SDR42E2: variants seen among roughly 807,000 people sequenced by gnomAD.
SDR42E2 encodes the protein short chain dehydrogenase/reductase family 42E, member 2, also known as putative short-chain dehydrogenase/reductase family 42E member 2.
In SDR42E2, 20 loss-of-function variants were observed where a neutral mutation model predicts 10.5. The observed-to-expected ratio is 1.90, with a 90% CI of 1.34 to 2.77. SDR42E2 has a LOEUF of 2.77. Among genes scored for constraint, SDR42E2 ranks in the 30% most tolerant of loss-of-function variants. SDR42E2 has a pLI of 0.00. For synonymous variants in SDR42E2, 72 were observed against 39.2 expected (o/e 1.84, Z -3.12); for missense variants, 162 against 104.2 (o/e 1.55, Z -2.42).
At chr16:22,171,443 T>C (rs1050444017) in intron 6 of SDR42E2, among the ~76,000 whole-genome samples, 2 of 152,062 alleles carry the variant, frequency 1.3e-5, no homozygotes, top group Non-Finnish European at 2.9e-5. Context: ...GTTTACCATG[T>C]TGGCCAGGAT....
At chr16:22,180,209 C>T (rs1007003068) in intron 8 of SDR42E2, among the ~76,000 whole-genome samples, 4 of 152,054 alleles carry the variant, frequency 2.6e-5, no homozygotes, top group South Asian at 2.1e-4. Context: ...GGTTCTGAGC[C>T]GTGGAACAAC....
chr16:22,179,770 G>GC (rs1885101355), intron 8 of SDR42E2, among the ~76,000 whole-genome samples: 1 of 146,400 alleles, frequency 6.8e-6, no homozygotes, highest in South Asian at 2.2e-4. Context: ...CCGAGATTGT[G>GC]CCATTGCACT....
chr16:22,166,882 A>G, intron 3 of SDR42E2, 22 bp from the exon 4 acceptor site: 1 of 638,400 alleles, frequency 1.6e-6, no homozygotes, highest in South Asian at 1.7e-5. Context: ...CCCTGCCCTC[A>G]TCTCTTCTTC....
chr16:22,188,516 G>A (rs1761345837), intron 12 of SDR42E2, among the ~76,000 whole-genome samples: 1 of 152,122 alleles, frequency 6.6e-6, no homozygotes, highest in Admixed American at 6.5e-5. Context: ...GAAATAACCT[G>A]CCCGTGATCA....
At chr16:22,190,064 T>C in intron 12 of SDR42E2, 75 bp from the exon 13 acceptor site, 1 of 400,436 alleles carries the variant, frequency 2.5e-6, no homozygotes, top group Non-Finnish European at 4.4e-6. Context: ...CTCTTTTCCC[T>C]TTCCGTAAAC....
chr16:22,171,974 C>G (rs1431555840), intron 6 of SDR42E2, among the ~76,000 whole-genome samples: 1 of 152,230 alleles, frequency 6.6e-6, no homozygotes. Flanking sequence ...TGTCCAGCAT[C>G]AGCCTTGCAA....
At chr16:22,189,753 C>T (rs2046757917) in intron 12 of SDR42E2, among the ~76,000 whole-genome samples, 1 of 152,190 alleles carries the variant, frequency 6.6e-6, no homozygotes, top group Non-Finnish European at 1.5e-5. Flanking sequence ...ATGTTTCTGG[C>T]AGGCGTTCAC....
At chr16:22,170,734 C>A in intron 5 of SDR42E2, 99 bp from the exon 6 acceptor site, 1 of 686,770 alleles carries the variant, frequency 1.5e-6, no homozygotes, top group Non-Finnish European at 2.7e-6. Context: ...TGCATGACAC[C>A]TCCTCAGCCG....
intron 7 of SDR42E2, among the ~76,000 whole-genome samples, chr16:22,173,499 C>T (rs1424597758): frequency 6.6e-6 from 1 of 151,994 alleles, no homozygotes; most frequent in African/African-American, 2.4e-5. Flanking sequence ...GGATTATAGG[C>T]ATGGGAGTCT....
At chr16:22,185,230 G>T (rs951842968) in intron 11 of SDR42E2, among the ~76,000 whole-genome samples, 1 of 152,130 alleles carries the variant, frequency 6.6e-6, no homozygotes, top group Non-Finnish European at 1.5e-5. Context: ...TGAGGGGATG[G>T]TGGCCCTCCA....
At chr16:22,179,813 C>CAAA (rs397757924) in intron 8 of SDR42E2, among the ~76,000 whole-genome samples, 8 of 94,696 alleles carry the variant, frequency 8.4e-5, no homozygotes, top group South Asian at 3.4e-4. Flanking sequence ...AACTTCATCT[C>CAAA]AAAAAAAAAA....
intron 12 of SDR42E2, among the ~76,000 whole-genome samples, chr16:22,187,963 G>A (rs1281843093): frequency 2.6e-5 from 4 of 152,006 alleles, no homozygotes; most frequent in Non-Finnish European, 4.4e-5. Flanking sequence ...GGGTGTGGTG[G>A]CACATACCTG....
chr16:22,179,551 C>G (rs1348943620), intron 8 of SDR42E2, among the ~76,000 whole-genome samples: 1 of 152,076 alleles, frequency 6.6e-6, no homozygotes, highest in African/African-American at 2.4e-5. Context: ...GTGGCTCATG[C>G]CTGTAATCCC....
At chr16:22,170,683 C>G in intron 5 of SDR42E2, 150 bp from the exon 6 acceptor site, 1 of 642,646 alleles carries the variant, frequency 1.6e-6, no homozygotes, top group Middle Eastern at 3.6e-4. Flanking sequence ...CTGGGAGGGT[C>G]CTGGGGGTCC....
At chr16:22,182,107 G>A in intron 9 of SDR42E2, 105 bp from the exon 10 acceptor site, 1 of 409,574 alleles carries the variant, frequency 2.4e-6, no homozygotes, top group East Asian at 3.5e-5. Context: ...TATTGGAGCT[G>A]CTCCAGAGAA....
At chr16:22,189,478 A>C (rs2046756085) in intron 12 of SDR42E2, among the ~76,000 whole-genome samples, 1 of 152,212 alleles carries the variant, frequency 6.6e-6, no homozygotes, top group African/African-American at 2.4e-5. Context: ...GGGCATAGAA[A>C]GGATTTAGTC....
At position 22,190,501 on chromosome 16, in the gene SDR42E2, C is replaced by G. The variant is rs1009240639; in HGVS notation, c.*108C>G. The G allele has an allele frequency of 3.1e-4, 125 of 399,692 alleles. 1 individual carries two copies. The highest frequency in any genetic ancestry group is 2.3e-3 in the African/African-American group (110 of 48,672). The allele number at this position is 399,692 out of a possible 1,614,324, so 24.8% of individuals were successfully genotyped here. On this transcript the variant is annotated 3_prime_UTR_variant, in exon 13 of 13. Coordinates refer to ENST00000602312, the MANE Select transcript of SDR42E2 (RefSeq NM_001394319.2). ...GCCCCGCCTTCTGGGTTTGAGCGCG[C>G]CTCCGCTCCGCCCCTTGAATCCTGG... is the stretch of plus-strand genomic sequence containing the variant.
intron 8 of SDR42E2, among the ~76,000 whole-genome samples, chr16:22,178,635 C>T (rs755811240): frequency 5.3e-5 from 8 of 152,160 alleles, no homozygotes; most frequent in Non-Finnish European, 8.8e-5. Flanking sequence ...TCGAATTTCT[C>T]AGGGAGACAG....
At chr16:22,172,376 T>C (rs1392202652) in intron 7 of SDR42E2, 45 bp downstream of exon 7, 1 of 703,508 alleles carries the variant, frequency 1.4e-6, no homozygotes, top group South Asian at 1.5e-5. Context: ...ACCTGCCCAC[T>C]GCTGCCTCCT....
Sources: gnomAD v4.1 joint callset for allele counts (sites outside exome capture counted in the v4.1 genomes callset) on GRCh38, gnomAD v4.1.1 for gene constraint, MANE v1.5 for transcripts, NCBI Gene and HGNC (gene_info 2026-07-23, HGNC 2026-07-21) for gene names.